Variants in GLYR1 observed in about 807,000 individuals in gnomAD.
GLYR1 encodes glyoxylate reductase 1 homolog.
In GLYR1, 21 loss-of-function variants were observed where a neutral mutation model predicts 72.7. The observed-to-expected ratio is 0.29, with a 90% CI of 0.20 to 0.42. GLYR1 has a LOEUF of 0.42. GLYR1 is among the 10% of genes least tolerant of loss of function. The probability of loss-of-function intolerance (pLI) is 1.00; values close to 1 mark genes in which losing one functional copy is unlikely to be tolerated. For synonymous variants in GLYR1, 392 were observed against 270.2 expected, an observed-to-expected ratio of 1.45 and a Z score of -4.42; for missense variants, 594 against 712.1, an observed-to-expected ratio of 0.83 and a Z score of 1.89.
intron 8 of GLYR1, 42 bp downstream of exon 8, chr16:4,821,505 C>T (rs942343282): frequency 2.5e-6 from 4 of 1,613,830 alleles, no homozygotes; most frequent in Non-Finnish European, 2.5e-6. Flanking sequence ...AGTTTAAGGC[C>T]CCAGGTGAAA....
intron 12 of GLYR1, among the ~76,000 whole-genome samples, chr16:4,813,209 C>T (rs947148766): frequency 1.3e-5 from 2 of 151,972 alleles, no homozygotes. Flanking sequence ...GTGATCCGCC[C>T]ACCTCGGCCT....
At chr16:4,828,068 GTA>G (rs1167470221) in intron 5 of GLYR1, among the ~76,000 whole-genome samples, 1 of 150,574 alleles carries the variant, frequency 6.6e-6, no homozygotes. Flanking sequence ...CTTAAGGCAT[GTA>G]TATATATATA....
Position 4,832,235 on chromosome 16 carries a change from A to G in GLYR1, c.295-14T>C, listed in dbSNP as rs771538588. On this transcript the variant is annotated splice_polypyrimidine_tract_variant and intron_variant, in intron 4 of 15. Transcript: ENST00000321919. Reference sequence around the variant, plus strand: ...GTGGGATGACGTCTGAAAGTTTAATAATAATAATGATAACTACCACCACAG... The same window carrying G: ...GTGGGATGACGTCTGAAAGTTTAATGATAATAATGATAACTACCACCACAG... The G allele has an allele frequency of 1.9e-6, 3 of 1,613,226 alleles. No homozygotes were observed. Among genetic ancestry groups the G allele is most frequent in the Non-Finnish European group, 2.5e-6 (3 of 1,179,432 alleles).
chr16:4,832,828 C>T lies in GLYR1; in HGVS notation c.240G>A (p.Gln80=), dbSNP rs1596377758. The part of the protein sequence containing the change: ...MIKINKGKRF[Q]QAVDAVEEFL... ...ACTCTTCGACAGCATCTACCGCTTG[C>T]TGGAATCGTTTACCCTTGTTAATTT... Residue 80 remains glutamine, a synonymous_variant, in exon 4 of 16, where the codon CAG becomes CAA. Transcript: ENST00000321919. 6.2e-7 allele frequency: 1 copy of T among 1,613,752 alleles called. No homozygotes were observed.
chr16:4,813,909 G>T, intron 11 of GLYR1, 71 bp from the exon 12 acceptor site: 2 of 1,171,914 alleles, frequency 1.7e-6, no homozygotes, highest in Non-Finnish European at 2.4e-6. Context: ...ACAGACCTCA[G>T]ATCAGAATCC....
intron 3 of GLYR1, among the ~76,000 whole-genome samples, chr16:4,841,570 G>A (rs2085556193): frequency 1.3e-5 from 2 of 151,284 alleles, no homozygotes; most frequent in South Asian, 4.2e-4. Context: ...ACCTGAGCCT[G>A]GGAAGTCAAG....
At position 4,823,859 on chromosome 16, in the gene GLYR1, G is replaced by A. The variant is rs766491513; in HGVS notation, c.586C>T (p.Pro196Ser). ...GGCTGCCATTTAAACGCGGCCATCG[G>A]TCCGGCCATCATCCCCTTCACGGTA... ...SSTVKGMMAG[P>S]MAAFKWQPTA... The change falls in exon 6 of 16, where the codon CCG (proline) becomes TCG (serine). Residue 196 changes from proline (P) to serine (S), a missense_variant. By Grantham distance (74) the Pro-to-Ser change is moderately conservative (BLOSUM62 -1). Coordinates refer to ENST00000321919, the MANE Select transcript of GLYR1 (RefSeq NM_032569.4). The A allele has an allele frequency of 1.2e-6, 2 of 1,613,964 alleles. No homozygotes were observed. The highest frequency in any genetic ancestry group is 1.7e-6 in the Non-Finnish European group (2 of 1,180,026).
chr16:4,817,717 A>G lies in GLYR1; in HGVS notation c.807-20T>C, dbSNP rs1278822844. 6.8e-7 allele frequency: 1 copy of G among 1,473,668 alleles called. No individual in the cohort carries two copies. The highest frequency in any genetic ancestry group is 9.5e-7 in the Non-Finnish European group (1 of 1,051,908). The allele number at this position is 1,473,668 out of a possible 1,614,324, so 91.3% of individuals were successfully genotyped here. On this transcript the variant is annotated intron_variant, in intron 9 of 15. Coordinates refer to ENST00000321919, the MANE Select transcript of GLYR1 (RefSeq NM_032569.4). ...CCTATCCTGAAACAGAGAGAGACTGATGAGTTCAGGGTGGAAAGGGAGGGT... is the reference window on the plus strand; with the variant it reads ...CCTATCCTGAAACAGAGAGAGACTGGTGAGTTCAGGGTGGAAAGGGAGGGT...
At chr16:4,831,069 C>T (rs1243837020) in intron 5 of GLYR1, among the ~76,000 whole-genome samples, 1 of 152,282 alleles carries the variant, frequency 6.6e-6, no homozygotes, top group African/African-American at 2.4e-5. Context: ...CTCTACATCC[C>T]CAGTCCTCTA....
At chr16:4,810,447 C>T (rs555250579) in intron 15 of GLYR1, among the ~76,000 whole-genome samples, 1 of 151,474 alleles carries the variant, frequency 6.6e-6, no homozygotes, top group Non-Finnish European at 1.5e-5. Context: ...GAGGCAGAGG[C>T]TGCAGTGAGC....
intron 9 of GLYR1, among the ~76,000 whole-genome samples, chr16:4,819,426 G>A (rs2083870127): frequency 6.6e-6 from 1 of 152,080 alleles, no homozygotes; most frequent in Non-Finnish European, 1.5e-5. Context: ...TTCCACCTCA[G>A]TCCACCTGAG....
In GLYR1 at chr16:4,805,225, G is replaced by T. The variant is rs1168137881; in HGVS notation, c.*11C>A. 6.2e-7 allele frequency: 1 copy of T among 1,613,140 alleles called. No individual in the cohort carries two copies. Among genetic ancestry groups the T allele is most frequent in the South Asian group, 1.1e-5 (1 of 90,904 alleles). On this transcript the variant is annotated 3_prime_UTR_variant, in exon 16 of 16. Transcript: ENST00000321919. ...GGGGGATTGGAGGGGTGAGGGCGGG[G>T]TGTCGACAGCTTAGTGTATGTAGGC... is the stretch of plus-strand genomic sequence containing the variant.
chr16:4,845,047 GGGA>G (rs2085896183), intron 3 of GLYR1, 24 bp downstream of exon 3: 2 of 1,488,840 alleles, frequency 1.3e-6, no homozygotes, highest in Admixed American at 1.7e-5. Context: ...GAAAGGCGAA[GGGA>G]GACTCCTGGT....
rs774178123 is a variant in GLYR1, at chr16:4,821,543, A to AT, written c.732+3dup. The AT allele has an allele frequency of 1.2e-6, 2 of 1,613,978 alleles. No homozygotes were observed. The highest frequency in any genetic ancestry group is 1.7e-6 in the Non-Finnish European group (2 of 1,180,006). Reference sequence around the variant, plus strand: ...TAAAATGGGGAGGCATGGAGCCTACATACCTCTTCACATATTTTCAACTTC... The same window carrying AT: ...TAAAATGGGGAGGCATGGAGCCTACATTACCTCTTCACATATTTTCAACTTC... On this transcript the variant is annotated splice_donor_region_variant and intron_variant, in intron 8 of 15. Transcript: ENST00000321919.
chr16:4,836,460 C>G (rs2085138350), intron 3 of GLYR1, among the ~76,000 whole-genome samples: 1 of 152,176 alleles, frequency 6.6e-6, no homozygotes, highest in Non-Finnish European at 1.5e-5. Context: ...TCAGAAAAAT[C>G]AAGCTTATTC....
chr16:4,847,152 A>G (rs2072595), intron 1 of GLYR1, 76 bp downstream of exon 1: 699,043 of 1,387,380 alleles, frequency 0.5, 181,247 homozygotes, highest in African/African-American at 0.79. Flanking sequence ...AGGCAGCTCC[A>G]GGGCCGGCAG....
intron 7 of GLYR1, 48 bp from the exon 8 acceptor site, chr16:4,821,645 C>T (rs1165504715): frequency 1.3e-6 from 2 of 1,549,932 alleles, no homozygotes; most frequent in East Asian, 2.2e-5. Context: ...GCAGGCTTAA[C>T]CAGTCTTCAT....
chr16:4,835,985 A>C (rs1355860746), intron 3 of GLYR1, among the ~76,000 whole-genome samples: 1 of 152,176 alleles, frequency 6.6e-6, no homozygotes, highest in East Asian at 1.9e-4. Context: ...TTTTTTATAG[A>C]GATGGGGTTC....
At chr16:4,843,467 T>TAAA in intron 3 of GLYR1, 1 of 1,245,076 alleles carries the variant, frequency 8.0e-7, no homozygotes, top group Non-Finnish European at 1.0e-6. Flanking sequence ...ATCTTCTTTT[T>TAAA]AAATCCATGG....
Sources: allele counts gnomAD v4.1 joint callset (sites outside exome capture counted in the v4.1 genomes callset), GRCh38; gene constraint gnomAD v4.1.1; transcripts MANE v1.5; gene names NCBI Gene and HGNC (gene_info 2026-07-23, HGNC 2026-07-21).